The following MMP2 variants were observed in gnomAD, a reference collection of about 807,000 sequenced individuals.
MMP2 encodes the protein matrix metallopeptidase 2, also known as 72 kDa type IV collagenase.
MMP2 carries 39 observed loss-of-function variants against 74.8 expected under a neutral mutation model. The ratio of observed to expected loss-of-function variants is 0.52; its 90% confidence interval spans 0.40 to 0.68. The LOEUF (loss-of-function observed/expected upper bound fraction) is 0.68. Ranked by LOEUF, MMP2 falls within the 30% of genes least tolerant of loss-of-function variation. MMP2 has a pLI of 0.00. For synonymous variants in MMP2, 367 were observed against 339.8 expected (o/e 1.08, Z -0.88); for missense variants, 803 against 878.3 (o/e 0.91, Z 1.08).
intron 5 of MMP2, chr16:55,487,071 G>A (rs1962278407): frequency 6.6e-6 from 1 of 152,162 alleles, no homozygotes; most frequent in South Asian, 2.1e-4. Flanking sequence ...ATTACATGTG[G>A]CGTTAACCCT....
chr16:55,497,017 G>A lies in MMP2; in HGVS notation c.1564G>A (p.Ala522Thr). 1.2e-6 allele frequency: 2 copies of A among 1,614,170 alleles called. No homozygotes were observed. The highest frequency in any genetic ancestry group is 1.6e-4 in the Middle Eastern group (1 of 6,062). ...FWPELPEKID[A>T]VYEAPQEEKA... is the part of the protein sequence containing the mutation. ...GCCTGAGCTCCCGGAAAAGATTGAT[G>A]CGGTATACGAGGCCCCACAGGAGGA... Residue 522 changes from alanine to threonine, a missense_variant, in exon 10 of 13, where the codon GCG (alanine) becomes ACG (threonine). Coordinates refer to ENST00000219070, the MANE Select transcript of MMP2 (RefSeq NM_004530.6).
At chr16:55,483,187 T>C in intron 2 of MMP2, 52 bp downstream of exon 2, 1 of 1,455,280 alleles carries the variant, frequency 6.9e-7, no homozygotes, top group Non-Finnish European at 9.6e-7. Context: ...GGGACACGAG[T>C]CTCCTTGACC....
intron 1 of MMP2, chr16:55,481,860 G>T (rs1567372289): frequency 5.2e-6 from 4 of 765,004 alleles, no homozygotes; most frequent in Non-Finnish European, 7.3e-6. Context: ...GGTAATCTTA[G>T]GTGCTTACCT....
Position 55,498,417 on chromosome 16 carries a change from A to G in MMP2, c.1738A>G (p.Thr580Ala), listed in dbSNP as rs867792427. The G allele has an allele frequency of 8.1e-6, 13 of 1,614,078 alleles. No individual in the cohort carries two copies. Among genetic ancestry groups the G allele is most frequent in the Middle Eastern group, 3.3e-4 (2 of 6,084 alleles). Residue 580 changes from threonine (T) to alanine (A), a missense_variant, in exon 11 of 13, where the codon ACA becomes GCA. By Grantham distance (58) the Thr-to-Ala change is moderately conservative. Transcript: ENST00000219070. ...AAFNWSKNKK[T>A]YIFAGDKFWR... is the part of the protein sequence containing the mutation. ...CTTTAACTGGAGCAAAAACAAGAAG[A>G]CATACATCTTTGCTGGAGACAAATT...
chr16:55,502,732 G>T, intron 11 of MMP2, 47 bp from the exon 12 acceptor site: 1 of 1,545,474 alleles, frequency 6.5e-7, no homozygotes, highest in South Asian at 1.1e-5. Flanking sequence ...GGGGGGAAGT[G>T]TCCTTTAGAG....
At chr16:55,500,041 C>G (rs1335931896) in intron 11 of MMP2, among the ~76,000 whole-genome samples, 1 of 152,062 alleles carries the variant, frequency 6.6e-6, no homozygotes, top group African/African-American at 2.4e-5. Flanking sequence ...CCCAGCTGCC[C>G]TGCATTCAGA....
chr16:55,498,185 T>C, intron 10 of MMP2, 104 bp from the exon 11 acceptor site: 1 of 1,450,346 alleles, frequency 6.9e-7, no homozygotes, highest in South Asian at 1.1e-5. Flanking sequence ...TGCACTCTGT[T>C]GGGAATGGCT....
chr16:55,505,298 T>C (rs770263619), intron 12 of MMP2, 41 bp from the exon 13 acceptor site: 3 of 1,534,584 alleles, frequency 2.0e-6, no homozygotes, highest in Non-Finnish European at 2.7e-6. Flanking sequence ...TGCCAGAATG[T>C]CAGGATAAGG....
Position 55,488,919 on chromosome 16 carries a change from C to G in MMP2, c.1006+203C>G, listed in dbSNP as rs367634739. ...TATGGCCTGGGCACTGAAATCAGAA[C>G]AGACATTGGGCATCAACAGTTGAAT... On this transcript the variant is annotated intron_variant, in intron 6 of 12. Coordinates refer to ENST00000219070, the MANE Select transcript of MMP2 (RefSeq NM_004530.6). 1.1e-5 allele frequency: 7 copies of G among 634,186 alleles called. 1 individual carries two copies. Among genetic ancestry groups the G allele is most frequent in the South Asian group, 9.4e-5 (5 of 53,154 alleles). 39.3% of individuals were successfully genotyped at this position (634,186 alleles called of 1,614,324 possible). A position where few individuals can be genotyped will look rare whatever the true frequency, so the allele number is the denominator to read the frequency against.
intron 7 of MMP2, among the ~76,000 whole-genome samples, chr16:55,490,853 C>A (rs1394044542): frequency 3.3e-5 from 5 of 152,116 alleles, no homozygotes; most frequent in Non-Finnish European, 4.4e-5. Context: ...CAGTGGCTCA[C>A]CCAGGGTGAA....
intron 9 of MMP2, among the ~76,000 whole-genome samples, chr16:55,494,946 G>A (rs1285615514): frequency 6.6e-6 from 1 of 152,216 alleles, no homozygotes; most frequent in Non-Finnish European, 1.5e-5. Flanking sequence ...ATAGTGATGT[G>A]AAAGTTTCTG....
intron 11 of MMP2, among the ~76,000 whole-genome samples, chr16:55,502,046 T>C (rs1405681032): frequency 6.6e-6 from 1 of 152,186 alleles, no homozygotes; most frequent in Non-Finnish European, 1.5e-5. Flanking sequence ...AGTATTTACC[T>C]GAATTAAAGG....
intron 6 of MMP2, 146 bp from the exon 7 acceptor site, chr16:55,489,505 G>A: frequency 1.1e-6 from 1 of 942,406 alleles, no homozygotes. Flanking sequence ...CTGTTGTCAG[G>A]GGTGGGTGAG....
chr16:55,481,140 TAGAC>T (rs1487872747), intron 1 of MMP2, among the ~76,000 whole-genome samples: 1 of 152,186 alleles, frequency 6.6e-6, no homozygotes, highest in Non-Finnish European at 1.5e-5. Context: ...GATTATTCCA[TAGAC>T]AGAGCAGGGA....
chr16:55,493,256 G>T lies in MMP2; in HGVS notation c.1435G>T (p.Ala479Ser). 2 of 1,614,136 alleles carry T rather than the reference G, an allele frequency of 1.2e-6. No homozygotes were observed. The highest frequency in any genetic ancestry group is 1.3e-5 in the African/African-American group (1 of 75,014). ...CKQDIVFDGI[A>S]QIRGEIFFFK... ...ACAGGACATTGTATTTGATGGCATC[G>T]CTCAGATCCGTGGTGAGATCTTCTT... Residue 479 changes from alanine to serine, a missense_variant, in exon 9 of 13, where the codon GCT becomes TCT. Ala to Ser is a moderately conservative substitution (Grantham distance 99). Transcript: ENST00000219070.
In MMP2 at chr16:55,489,841, A is replaced by T. The variant is rs1325107575; in HGVS notation, c.1180+17A>T. The T allele has an allele frequency of 5.6e-6, 9 of 1,613,254 alleles. No homozygotes were observed. The East Asian group carries it at 2.0e-4, about 36-fold the overall frequency. On this transcript the variant is annotated intron_variant, in intron 7 of 12. Coordinates refer to ENST00000219070, the MANE Select transcript of MMP2 (RefSeq NM_004530.6). ...CTGACCAAGGTACGAGGCCCTGGTC[A>T]TTGGACAGAGACCCTGGACATTGCC...
intron 6 of MMP2, among the ~76,000 whole-genome samples, chr16:55,489,112 G>C (rs992191731): frequency 3.9e-5 from 6 of 152,022 alleles, no homozygotes; most frequent in African/African-American, 7.2e-5. Flanking sequence ...TTTTTATTAA[G>C]AGCTCCGTGC....
intron 1 of MMP2, among the ~76,000 whole-genome samples, chr16:55,482,588 A>C (rs1417817406): frequency 6.6e-6 from 1 of 152,230 alleles, no homozygotes. Flanking sequence ...TCTGTATAAT[A>C]GGGTTAGTAT....
chr16:55,483,171 G>A (rs1474528098), intron 2 of MMP2, 36 bp downstream of exon 2: 1 of 1,559,448 alleles, frequency 6.4e-7, no homozygotes, highest in Non-Finnish European at 8.8e-7. Context: ...AGGGCCATGG[G>A]GCTGAGGGAC....
Sources: gnomAD v4.1 joint callset for allele counts (sites outside exome capture counted in the v4.1 genomes callset) on GRCh38, gnomAD v4.1.1 for gene constraint, MANE v1.5 for transcripts, NCBI Gene and HGNC (gene_info 2026-07-23, HGNC 2026-07-21) for gene names.